The following ABL1 variants were observed in gnomAD, a reference collection of about 807,000 sequenced individuals.
ABL1 encodes tyrosine-protein kinase ABL1.
Under a neutral mutation model 94.7 loss-of-function variants are expected in ABL1, and 11 were observed. That is an observed-to-expected ratio of 0.12 (90% CI 0.07 to 0.19). The LOEUF (loss-of-function observed/expected upper bound fraction) is 0.19. ABL1 is among the 10% of genes least tolerant of loss of function. The probability of loss-of-function intolerance (pLI) is 1.00; values close to 1 mark genes in which losing one functional copy is unlikely to be tolerated. For missense variants in ABL1, 1,082 were observed against 1,489.4 expected (o/e 0.73, Z 4.50); for synonymous variants, 656 against 622.4 (o/e 1.05, Z -0.80).
chr9:130,802,095 C>CTTTTTTTTTTTTTTTTTTTTTTTTTT (rs3085157), intron 1 of ABL1, among the ~76,000 whole-genome samples: 1 of 132,094 alleles, frequency 7.6e-6, no homozygotes, highest in Admixed American at 7.9e-5. Flanking sequence ...TTCCTTCAGT[C>CTTTTTTTTTTTTTTTTTTTTTTTTTT]TTTTTTTTTT....
At chr9:130,758,201 C>A (rs1417219376) in intron 1 of ABL1, among the ~76,000 whole-genome samples, 1 of 151,588 alleles carries the variant, frequency 6.6e-6, no homozygotes, top group Non-Finnish European at 1.5e-5. Context: ...CGCTCTGTCA[C>A]CCAAGTTGGA....
intron 2 of ABL1, among the ~76,000 whole-genome samples, chr9:130,854,590 A>G (rs113018359): frequency 2.0e-5 from 3 of 152,376 alleles, no homozygotes; most frequent in Admixed American, 2.0e-4. Flanking sequence ...CTGAGGCTAT[A>G]CACTTACCTA....
chr9:130,842,734 G>C (rs1336665623), intron 1 of ABL1, among the ~76,000 whole-genome samples: 1 of 152,246 alleles, frequency 6.6e-6, no homozygotes, highest in Non-Finnish European at 1.5e-5. Flanking sequence ...GCTGGCAGCA[G>C]AAGGGGAGGC....
chr9:130,723,787 G>T (rs1831544337), intron 1 of ABL1, among the ~76,000 whole-genome samples: 1 of 151,944 alleles, frequency 6.6e-6, no homozygotes, highest in African/African-American at 2.4e-5. Flanking sequence ...AACGTAGGTA[G>T]GTTTGTTTTT....
At chr9:130,842,124 C>CAGAGAGAGAATG (rs1296545117) in intron 1 of ABL1, among the ~76,000 whole-genome samples, 1 of 151,712 alleles carries the variant, frequency 6.6e-6, no homozygotes, top group African/African-American at 2.4e-5. Context: ...TGGGTGGGTA[C>CAGAGAGAGAATG]AGAGAGAGAA....
In ABL1 at chr9:130,733,660, G is replaced by A. The variant is rs146095377; in HGVS notation, c.136+19205G>A. 1.9e-4 allele frequency among the ~76,000 whole-genome samples: 27 copies of A among 143,206 alleles called. No individual in the cohort carries two copies. In the East Asian group the frequency reaches 4.9e-3, roughly 26 times the overall value. 93.9% of individuals were successfully genotyped at this position (143,206 alleles called of 152,430 possible). A position where few individuals can be genotyped will look rare whatever the true frequency, so the allele number is the denominator to read the frequency against. On this transcript the variant is annotated intron_variant, in intron 1 of 10. Coordinates refer to the ABL1 transcript ENST00000372348. ...GTGGCGTAATCTCGGCTCACTGTAA[G>A]CTCCGCCACCTGGGTTCACACCATT...
chr9:130,810,486 A>T (rs1830193887), intron 1 of ABL1, among the ~76,000 whole-genome samples: 1 of 151,934 alleles, frequency 6.6e-6, no homozygotes, highest in Admixed American at 6.6e-5. Context: ...AGAGAGCAAG[A>T]TTCCGTCTCC....
intron 1 of ABL1, among the ~76,000 whole-genome samples, chr9:130,801,622 C>T (rs1027965825): frequency 6.6e-6 from 1 of 152,066 alleles, no homozygotes; most frequent in East Asian, 1.9e-4. Context: ...AATTATAATC[C>T]GAGAGTATAG....
intron 1 of ABL1, among the ~76,000 whole-genome samples, chr9:130,797,879 A>C (rs1219897303): frequency 6.6e-6 from 1 of 152,172 alleles, no homozygotes; most frequent in Non-Finnish European, 1.5e-5. Flanking sequence ...TCTGTTTCCA[A>C]GAACACGGAC....
chr9:130,869,787 T>G (rs1052331732), intron 4 of ABL1, among the ~76,000 whole-genome samples: 2 of 152,216 alleles, frequency 1.3e-5, no homozygotes, highest in Admixed American at 6.5e-5. Flanking sequence ...TATTTCCAGT[T>G]TAACACAACT....
chr9:130,745,219 G>A (rs962279955), intron 1 of ABL1, among the ~76,000 whole-genome samples: 2 of 151,806 alleles, frequency 1.3e-5, no homozygotes, highest in Non-Finnish European at 2.9e-5. Flanking sequence ...CTAGTAGCTG[G>A]GATTACAGGC....
chr9:130,802,967 G>A (rs2132834530), intron 1 of ABL1, among the ~76,000 whole-genome samples: 1 of 152,278 alleles, frequency 6.6e-6, no homozygotes, highest in African/African-American at 2.4e-5. Context: ...GTCAGTCAGG[G>A]ATGTGATTGT....
At chr9:130,713,394 TC>T (rs1359332099) in exon 1 of ABL1, among the ~76,000 whole-genome samples, 2 of 152,078 alleles carry the variant, frequency 1.3e-5, no homozygotes, top group Non-Finnish European at 2.9e-5. Flanking sequence ...GTGGTCTGTT[TC>T]CCCCAGCTTG....
In ABL1 at chr9:130,878,536, C is replaced by T. The variant is rs2133017570; in HGVS notation, c.1392C>T (p.Cys464=). Residue 464 remains cysteine (C), a synonymous_variant, in exon 8 of 11, where the codon TGC becomes TGT. Coordinates refer to ENST00000318560, the MANE Select transcript of ABL1 (RefSeq NM_005157.6). ...ACCGCATGGAGCGCCCAGAAGGCTGCCCAGAGAAGGTCTATGAACTCATGC... is the reference window on the plus strand; with the variant it reads ...ACCGCATGGAGCGCCCAGAAGGCTGTCCAGAGAAGGTCTATGAACTCATGC... ...KDYRMERPEG[C]PEKVYELMRA... The T allele has an allele frequency of 6.2e-7, 1 of 1,614,192 alleles. No individual in the cohort carries two copies. Among genetic ancestry groups the T allele is most frequent in the Non-Finnish European group, 8.5e-7 (1 of 1,180,036 alleles).
intron 1 of ABL1, among the ~76,000 whole-genome samples, chr9:130,748,922 A>G (rs558666404): frequency 1.3e-5 from 2 of 152,252 alleles, no homozygotes; most frequent in African/African-American, 4.8e-5. Context: ...AATTATGCTT[A>G]TTTACTACCA....
chr9:130,861,139 G>T (rs1003202146), intron 3 of ABL1, among the ~76,000 whole-genome samples: 1 of 152,156 alleles, frequency 6.6e-6, no homozygotes, highest in Non-Finnish European at 1.5e-5. Context: ...GCCATTCAGC[G>T]GTCCTGTCTT....
chr9:130,793,523 A>G (rs1829935399), intron 1 of ABL1, among the ~76,000 whole-genome samples: 1 of 152,152 alleles, frequency 6.6e-6, no homozygotes. Flanking sequence ...TGCATTTTAG[A>G]AGTTTCAGAC....
rs770602014 is a variant in ABL1, at chr9:130,885,177, A to G, written c.2887A>G (p.Thr963Ala). Reference sequence around the variant, plus strand: ...CCTCAAAAAGCCCGTGCTCCCGGCCACTCCAAAGCCACAGTCCGCCAAGCC... The same window carrying G: ...CCTCAAAAAGCCCGTGCTCCCGGCCGCTCCAAAGCCACAGTCCGCCAAGCC... ...EGLKKPVLPATPKPQSAKPSG... is the reference protein window; with the variant it reads ...EGLKKPVLPAAPKPQSAKPSG... The change falls in exon 11 of 11, where the codon ACT becomes GCT. Residue 963 changes from threonine to alanine, a missense_variant. By Grantham distance (58) the Thr-to-Ala change is moderately conservative. Around this residue, in one of 7 missense-constraint regions of ABL1, gnomAD observed 780 missense variants for 835.8 expected, o/e 0.93. Transcript: ENST00000318560. The G allele has an allele frequency of 6.2e-6, 10 of 1,613,034 alleles. No individual in the cohort carries two copies. The Admixed American group carries it at 1.5e-4, about 24-fold the overall frequency.
intron 1 of ABL1, among the ~76,000 whole-genome samples, chr9:130,756,010 A>G (rs1832037032): frequency 6.6e-6 from 1 of 152,226 alleles, no homozygotes; most frequent in Admixed American, 6.5e-5. Context: ...TTTATTAAAA[A>G]AAAATGACTT....
Sources: allele counts gnomAD v4.1 joint callset (sites outside exome capture counted in the v4.1 genomes callset), GRCh38; gene constraint gnomAD v4.1.1; regional missense constraint gnomAD v4.1.1; transcripts MANE v1.5; gene names NCBI Gene and HGNC (gene_info 2026-07-23, HGNC 2026-07-21).